PPP2R2A: variants seen among roughly 807,000 people sequenced by gnomAD.
The protein encoded by PPP2R2A is protein phosphatase 2 regulatory subunit Balpha.
In PPP2R2A, 9 loss-of-function variants were observed where a neutral mutation model predicts 53.2. The ratio of observed to expected loss-of-function variants is 0.17; its 90% CI spans 0.10 to 0.30. PPP2R2A has a LOEUF of 0.30. PPP2R2A is among the 10% of genes least tolerant of loss of function. The probability of loss-of-function intolerance (pLI) is 1.00; values close to 1 mark genes in which losing one functional copy is unlikely to be tolerated. For synonymous variants in PPP2R2A, 169 were observed against 174.2 expected (o/e 0.97, Z 0.23); for missense variants, 235 against 534.6 (o/e 0.44, Z 5.53).
At chr8:26,318,151 C>T (rs994190166) in intron 2 of PPP2R2A, among the ~76,000 whole-genome samples, 4 of 152,108 alleles carry the variant, frequency 2.6e-5, no homozygotes, top group Admixed American at 6.5e-5. Context: ...CTCTTAGGGA[C>T]GATTAGTCTC....
chr8:26,309,157 A>G (rs868510197), intron 2 of PPP2R2A, among the ~76,000 whole-genome samples: 1 of 152,146 alleles, frequency 6.6e-6, no homozygotes, highest in Non-Finnish European at 1.5e-5. Context: ...CACCATGCGC[A>G]GCCTATATTT....
intron 3 of PPP2R2A, 106 bp downstream of exon 3, chr8:26,339,093 G>T: frequency 1.2e-6 from 1 of 856,808 alleles, no homozygotes. Context: ...TAAAAGAAGT[G>T]TGTGTTTATT....
intron 4 of PPP2R2A, among the ~76,000 whole-genome samples, chr8:26,356,239 C>T (rs1486275173): frequency 2.0e-5 from 3 of 152,176 alleles, no homozygotes; most frequent in Non-Finnish European, 4.4e-5. Flanking sequence ...TCAGCACTTC[C>T]TCCATCTAAT....
chr8:26,303,838 T>C (rs1354224870), intron 2 of PPP2R2A, among the ~76,000 whole-genome samples: 2 of 152,226 alleles, frequency 1.3e-5, no homozygotes, highest in African/African-American at 4.8e-5. Context: ...CATCTAGATC[T>C]TTGCTCTTGG....
chr8:26,339,487 A>G (rs1803833986), intron 3 of PPP2R2A, among the ~76,000 whole-genome samples: 1 of 152,204 alleles, frequency 6.6e-6, no homozygotes, highest in Non-Finnish European at 1.5e-5. Flanking sequence ...ATGTACATGC[A>G]TGTAAAGTAA....
intron 2 of PPP2R2A, among the ~76,000 whole-genome samples, chr8:26,309,754 GGA>G (rs922034682): frequency 6.6e-5 from 10 of 152,112 alleles, no homozygotes; most frequent in African/African-American, 1.9e-4. Flanking sequence ...GCCCAAGGAG[GGA>G]GAGAGAGAGG....
chr8:26,298,999 G>A (rs1801663361), intron 2 of PPP2R2A, among the ~76,000 whole-genome samples: 1 of 152,216 alleles, frequency 6.6e-6, no homozygotes, highest in Non-Finnish European at 1.5e-5. Flanking sequence ...AACAGGCCAG[G>A]TGCAGTGGCT....
At chr8:26,324,595 A>G (rs1802995680) in intron 2 of PPP2R2A, among the ~76,000 whole-genome samples, 1 of 152,176 alleles carries the variant, frequency 6.6e-6, no homozygotes, top group African/African-American at 2.4e-5. Flanking sequence ...CGGAAGGGAA[A>G]TGTGGGGTCG....
At chr8:26,368,044 G>A (rs1354120629) in intron 9 of PPP2R2A, among the ~76,000 whole-genome samples, 1 of 152,180 alleles carries the variant, frequency 6.6e-6, no homozygotes, top group East Asian at 1.9e-4. Context: ...GAATACCACA[G>A]AAATGCTGGC....
intron 2 of PPP2R2A, among the ~76,000 whole-genome samples, chr8:26,327,595 CCT>C (rs1353784751): frequency 6.6e-6 from 1 of 152,138 alleles, no homozygotes; most frequent in Admixed American, 6.5e-5. Context: ...CTTCGAGCTC[CCT>C]CTAGAGGCCA....
chr8:26,366,063 A>T (rs900113705), intron 8 of PPP2R2A: 2 of 373,268 alleles, frequency 5.4e-6, no homozygotes, highest in African/African-American at 4.3e-5. Flanking sequence ...ATTCAGGCTT[A>T]TAAAGGCTAT....
chr8:26,354,780 G>A lies in PPP2R2A; in HGVS notation c.346+147G>A. 1.3e-6 allele frequency: 1 copy of A among 747,110 alleles called. No homozygotes were observed. Among genetic ancestry groups the A allele is most frequent in the Non-Finnish European group, 1.8e-6 (1 of 541,774 alleles). The allele number at this position is 747,110 out of a possible 1,614,324, so 46.3% of individuals were successfully genotyped here. A position where few individuals can be genotyped will look rare whatever the true frequency, so the allele number is the denominator to read the frequency against. The stretch of plus-strand genomic sequence containing the variant: ...AGAATGTAAACTCTACTTTTTTACT[G>A]TCACTTGCAGTTTTTAGATTCTCTG... On this transcript the variant is annotated intron_variant, in intron 4 of 9. Coordinates refer to ENST00000380737, the MANE Select transcript of PPP2R2A (RefSeq NM_002717.4). The surrounding 1 kb of genome is among the most constrained non-coding windows in gnomAD (Gnocchi z 4.6).
In PPP2R2A at chr8:26,291,545, C is replaced by G. The variant is rs866628729; in HGVS notation, c.-275C>G. On this transcript the variant is annotated 5_prime_UTR_variant, in exon 1 of 10. Coordinates refer to ENST00000380737, the MANE Select transcript of PPP2R2A (RefSeq NM_002717.4). ...GCCATTTTGAAAGTGGAGTCGCCTGCCCCTGCCGCTGCCGCCGCCGCCGTC... is the reference window on the plus strand; with the variant it reads ...GCCATTTTGAAAGTGGAGTCGCCTGGCCCTGCCGCTGCCGCCGCCGCCGTC... 3.9e-6 allele frequency: 2 copies of G among 509,826 alleles called. No homozygotes were observed. The highest frequency in any genetic ancestry group is 3.8e-5 in the East Asian group (1 of 26,418). The allele number at this position is 509,826 out of a possible 1,614,324, so 31.6% of individuals were successfully genotyped here. A position where few individuals can be genotyped will look rare whatever the true frequency, so the allele number is the denominator to read the frequency against.
chr8:26,310,203 C>T, intron 2 of PPP2R2A, among the ~76,000 whole-genome samples: 1 of 141,420 alleles, frequency 7.1e-6, no homozygotes, highest in Non-Finnish European at 1.5e-5. Context: ...ATCATTTGAA[C>T]CCGGGAGGCG....
At position 26,291,833 on chromosome 8, in the gene PPP2R2A, G is replaced by A; in HGVS notation, c.7+7G>A. 1 of 1,609,230 alleles carries A rather than the reference G, an allele frequency of 6.2e-7. No individual in the cohort carries two copies. Among genetic ancestry groups the A allele is most frequent in the Non-Finnish European group, 8.5e-7 (1 of 1,178,166 alleles). ...TTGCAGCGCAACATGGCAGGTAAAGGAGAAATCCCCCTCGCCCCCTGACAA... is the reference window on the plus strand; with the variant it reads ...TTGCAGCGCAACATGGCAGGTAAAGAAGAAATCCCCCTCGCCCCCTGACAA... On this transcript the variant is annotated splice_region_variant and intron_variant, in intron 1 of 9. Coordinates refer to ENST00000380737, the MANE Select transcript of PPP2R2A (RefSeq NM_002717.4).
intron 3 of PPP2R2A, among the ~76,000 whole-genome samples, chr8:26,344,039 C>T (rs1804087415): frequency 6.6e-6 from 1 of 152,110 alleles, no homozygotes; most frequent in Non-Finnish European, 1.5e-5. Context: ...GCCCAGGTAC[C>T]AGATTACCCA....
chr8:26,362,596 G>A lies in PPP2R2A; in HGVS notation c.638-88G>A. The A allele has an allele frequency of 8.0e-7, 1 of 1,247,816 alleles. No homozygotes were observed. Among genetic ancestry groups the A allele is most frequent in the Non-Finnish European group, 1.1e-6 (1 of 891,534 alleles). The allele number at this position is 1,247,816 out of a possible 1,614,324, so 77.3% of individuals were successfully genotyped here. ...ATTCAGAATTAATATTTTTGCTTAG[G>A]TCCATGAATGGGTTTTAGGTTTGAG... is the stretch of plus-strand genomic sequence containing the variant. On this transcript the variant is annotated intron_variant, in intron 6 of 9. Transcript: ENST00000380737. The surrounding 1 kb of genome is among the most constrained non-coding windows in gnomAD (Gnocchi z 4.4).
intron 2 of PPP2R2A, among the ~76,000 whole-genome samples, chr8:26,319,176 T>C (rs370223814): frequency 3.3e-4 from 51 of 152,338 alleles, no homozygotes; most frequent in African/African-American, 9.9e-4. Flanking sequence ...CATAATCTTA[T>C]GTATGTACCA....
intron 2 of PPP2R2A, among the ~76,000 whole-genome samples, chr8:26,337,909 T>G (rs1271341806): frequency 6.6e-6 from 1 of 152,206 alleles, no homozygotes; most frequent in African/African-American, 2.4e-5. Context: ...AATTATGAAA[T>G]GCAGTGCTGG....
Sources: gnomAD v4.1 joint callset for allele counts (sites outside exome capture counted in the v4.1 genomes callset) on GRCh38, gnomAD v4.1.1 for gene constraint, Gnocchi (gnomAD v3.1) non-coding constraint, MANE v1.5 for transcripts, NCBI Gene and HGNC (gene_info 2026-07-23, HGNC 2026-07-21) for gene names.